TNN: variants seen among roughly 807,000 people sequenced by gnomAD.
The protein encoded by TNN is tenascin-N.
In TNN, 122 loss-of-function variants were observed where a neutral mutation model predicts 134.4. The observed-to-expected ratio is 0.91, with a 90% CI of 0.78 to 1.06. The LOEUF is 1.06. Among genes scored for constraint, TNN ranks in the 50% least tolerant of loss-of-function variants. The pLI, the probability that TNN is intolerant of heterozygous loss-of-function variation, is 0.00. For synonymous variants in TNN, 710 were observed against 670.3 expected (o/e 1.06, Z -0.91); for missense variants, 1,739 against 1,699.4 (o/e 1.02, Z -0.41).
At chr1:175,130,228 A>G (rs1022049189) in intron 15 of TNN, among the ~76,000 whole-genome samples, 1 of 152,198 alleles carries the variant, frequency 6.6e-6, no homozygotes, top group Admixed American at 6.5e-5. Flanking sequence ...AACCTTATTC[A>G]TTTACACATT....
chr1:175,117,449 G>A (rs928584834), intron 10 of TNN, among the ~76,000 whole-genome samples: 1 of 152,134 alleles, frequency 6.6e-6, no homozygotes, highest in Non-Finnish European at 1.5e-5. Context: ...CTCCTCTTCT[G>A]ATTGCATGGA....
chr1:175,087,429 C>T (rs1377274227), intron 6 of TNN, among the ~76,000 whole-genome samples: 1 of 152,184 alleles, frequency 6.6e-6, no homozygotes, highest in Non-Finnish European at 1.5e-5. Flanking sequence ...GGCGTAGGAA[C>T]AAAAGGAAAG....
At chr1:175,068,401 T>A (rs1363188376) in intron 1 of TNN, among the ~76,000 whole-genome samples, 1 of 152,246 alleles carries the variant, frequency 6.6e-6, no homozygotes, top group Admixed American at 6.5e-5. Flanking sequence ...TTAGTTATGA[T>A]TAGGAAGCTA....
At position 175,127,094 on chromosome 1, in the gene TNN, A is replaced by G. The variant is rs1362611982; in HGVS notation, c.3045+9A>G. The G allele has an allele frequency of 5.6e-6, 9 of 1,610,780 alleles. No individual in the cohort carries two copies. The highest frequency in any genetic ancestry group is 7.6e-6 in the Non-Finnish European group (9 of 1,179,058). On this transcript the variant is annotated intron_variant, in intron 13 of 18. Coordinates refer to ENST00000239462, the MANE Select transcript of TNN (RefSeq NM_022093.2). The stretch of plus-strand genomic sequence containing the variant: ...CAGATGGCACAGTTAAGGTACGGGG[A>G]TTCCTTGTCTTTTCTCCTGGTGCCT...
intron 9 of TNN, among the ~76,000 whole-genome samples, chr1:175,109,237 C>T (rs921034075): frequency 6.1e-5 from 9 of 147,250 alleles, no homozygotes; most frequent in South Asian, 2.2e-4. Context: ...TACAGGCGCC[C>T]GCCACCGCGC....
chr1:175,068,196 G>C (rs193175358), intron 1 of TNN, among the ~76,000 whole-genome samples: 1 of 152,254 alleles, frequency 6.6e-6, no homozygotes, highest in Admixed American at 6.5e-5. Context: ...ACACAGATGC[G>C]TCTGTGTTGT....
intron 18 of TNN, among the ~76,000 whole-genome samples, chr1:175,145,825 C>T (rs972057753): frequency 1.3e-5 from 2 of 152,162 alleles, no homozygotes; most frequent in South Asian, 2.1e-4. Context: ...TTGACAGCTG[C>T]GGGGCACTTC....
chr1:175,146,781 C>T, intron 18 of TNN, 150 bp from the exon 19 acceptor site: 3 of 741,046 alleles, frequency 4.0e-6, no homozygotes, highest in Non-Finnish European at 5.8e-6. Flanking sequence ...CCCCTCCCTT[C>T]TCATCACCCC....
intron 7 of TNN, among the ~76,000 whole-genome samples, chr1:175,096,486 C>T (rs1674574756): frequency 6.6e-6 from 1 of 152,136 alleles, no homozygotes; most frequent in African/African-American, 2.4e-5. Flanking sequence ...GGCCTGTCCC[C>T]CTTGGCAAGT....
chr1:175,083,416 A>T (rs1674245206), intron 4 of TNN, among the ~76,000 whole-genome samples: 1 of 152,160 alleles, frequency 6.6e-6, no homozygotes, highest in South Asian at 2.1e-4. Context: ...TAGCTGTCAG[A>T]GCTCTGGACT....
chr1:175,122,051 T>G (rs888463507), intron 11 of TNN, among the ~76,000 whole-genome samples: 3 of 152,112 alleles, frequency 2.0e-5, no homozygotes, highest in African/African-American at 7.2e-5. Flanking sequence ...TTTAAAGCCA[T>G]GGGCATGAGT....
In TNN at chr1:175,067,877, A is replaced by G. The variant is rs753359806; in HGVS notation, c.-94A>G. On this transcript the variant is annotated 5_prime_UTR_variant, in exon 1 of 19. Transcript: ENST00000239462. ...ACCAGCAAGTACCAAGGTCTGCGGC[A>G]GGAGGAGACCGGCTCACAGGAGCAG... The G allele has an allele frequency of 4.0e-6, 2 of 502,246 alleles. No homozygotes were observed. The highest frequency in any genetic ancestry group is 2.9e-5 in the South Asian group (2 of 68,254). 31.1% of individuals were successfully genotyped at this position (502,246 alleles called of 1,614,324 possible).
chr1:175,146,507 A>G (rs1676070578), intron 18 of TNN, among the ~76,000 whole-genome samples: 1 of 152,162 alleles, frequency 6.6e-6, no homozygotes. Flanking sequence ...ATTGAAAATG[A>G]TTTTACACAA....
intron 9 of TNN, among the ~76,000 whole-genome samples, chr1:175,105,367 T>G (rs1265395138): frequency 6.9e-6 from 1 of 145,430 alleles, no homozygotes. Context: ...CCGGGGGTTT[T>G]TGTGGACCTT....
In TNN at chr1:175,125,697, TTTTCTCTC is replaced by T. The variant is rs1284552492; in HGVS notation, c.2915-1252_2915-1245del. On this transcript the variant is annotated intron_variant, in intron 12 of 18. Coordinates refer to ENST00000239462, the MANE Select transcript of TNN (RefSeq NM_022093.2). ...TCCCTCCCTCCTTTCTTTCTCTCTT[TTTTCTCTC>T]TTTCTTTCTTTCTTTCTTTCTTTCT... 5.6e-4 allele frequency among the ~76,000 whole-genome samples: 29 copies of T among 52,104 alleles called. 3 individuals carry two copies. In the East Asian group the frequency reaches 6.5e-3, roughly 12 times the overall value. The allele number at this position is 52,104 out of a possible 152,430, so 34.2% of individuals were successfully genotyped here. A position where few individuals can be genotyped will look rare whatever the true frequency, so the allele number is the denominator to read the frequency against.
At position 175,123,601 on chromosome 1, in the gene TNN, T is replaced by G. The variant is rs773201934; in HGVS notation, c.2852T>G (p.Val951Gly). The change falls in exon 12 of 19, where the codon GTG becomes GGG. Residue 951 changes from valine (V) to glycine (G), a missense_variant. Val to Gly is a moderately radical substitution (Grantham distance 109). Transcript: ENST00000239462. ...TGLRPGMEYMVHVWAQKGAQE... is the reference protein window; with the variant it reads ...TGLRPGMEYMGHVWAQKGAQE... ...CTGAGACCAGGCATGGAGTACATGG[T>G]GCACGTGTGGGCCCAGAAGGGGGCC... 21 of 1,613,974 alleles carry G rather than the reference T, an allele frequency of 1.3e-5. No homozygotes were observed. The highest frequency in any genetic ancestry group is 1.7e-5 in the Non-Finnish European group (20 of 1,180,022).
At chr1:175,072,468 T>G (rs1673935744) in intron 1 of TNN, among the ~76,000 whole-genome samples, 1 of 152,206 alleles carries the variant, frequency 6.6e-6, no homozygotes, top group Admixed American at 6.5e-5. Context: ...TGGAAATGTA[T>G]CATCCTGCGT....
chr1:175,097,746 T>C, intron 8 of TNN, 63 bp downstream of exon 8: 1 of 1,598,436 alleles, frequency 6.3e-7, no homozygotes, highest in Non-Finnish European at 8.5e-7. Flanking sequence ...ATAGGTATGG[T>C]ATCAAAGGAT....
chr1:175,133,800 T>C (rs1273245856), intron 15 of TNN, among the ~76,000 whole-genome samples: 2 of 152,186 alleles, frequency 1.3e-5, no homozygotes, highest in East Asian at 1.9e-4. Context: ...ATTTTTCTTA[T>C]ATGTGCAATG....
Sources: allele counts gnomAD v4.1 joint callset (sites outside exome capture counted in the v4.1 genomes callset), GRCh38; gene constraint gnomAD v4.1.1; transcripts MANE v1.5; gene names NCBI Gene and HGNC (gene_info 2026-07-23, HGNC 2026-07-21).